ITGA7: variants seen among roughly 807,000 people sequenced by gnomAD.
ITGA7 encodes the protein integrin alpha-7.
Under a neutral mutation model 131.6 loss-of-function variants are expected in ITGA7, and 84 were observed. The observed-to-expected ratio is 0.64, with a 90% CI of 0.54 to 0.77. The LOEUF (loss-of-function observed/expected upper bound fraction) is 0.77, where lower values mean the gene tolerates loss of function less well. Among genes scored for constraint, ITGA7 ranks in the 30% least tolerant of loss-of-function variants. The pLI is 0.00. For synonymous variants in ITGA7, 548 were observed against 600.7 expected, an observed-to-expected ratio of 0.91 and a Z score of 1.28; for missense variants, 1,399 against 1,482.9, an observed-to-expected ratio of 0.94 and a Z score of 0.93.
chr12:55,685,359 G>A, intron 24 of ITGA7, 71 bp from the exon 25 acceptor site: 1 of 1,359,246 alleles, frequency 7.4e-7, no homozygotes, highest in Non-Finnish European at 1.0e-6. Flanking sequence ...GCCTAGCGCG[G>A]CACAGCTCCT....
chr12:55,701,171 T>A lies in ITGA7; in HGVS notation c.415-17A>T, dbSNP rs1351740817. ...TGCACAGGTCTGGGGGAGGAAGGGA[T>A]GGGGATCATTTCACTCTGTGGGCCA... On this transcript the variant is annotated splice_polypyrimidine_tract_variant and intron_variant, in intron 3 of 24. Transcript: ENST00000257879. 1 of 1,614,142 alleles carries A rather than the reference T, an allele frequency of 6.2e-7. No homozygotes were observed. The highest frequency in any genetic ancestry group is 1.1e-5 in the South Asian group (1 of 91,090).
Position 55,702,896 on chromosome 12 carries a change from GCTCCGAACACTGA to G in ITGA7, c.377_389del (p.Val126AlafsTer30). On this transcript the variant is annotated frameshift_variant, in exon 3 of 25. Transcript: ENST00000257879. LOFTEE classifies it high-confidence loss of function. ...CAACAATCTTGCCCCCAGGCCCCTG[GCTCCGAACACTGA>G]CTCCCAACCACTGGTTCTCCTTGCT... The G allele has an allele frequency of 1.2e-6, 2 of 1,612,880 alleles. No individual in the cohort carries two copies. The highest frequency in any genetic ancestry group is 1.7e-6 in the Non-Finnish European group (2 of 1,179,888).
intron 24 of ITGA7, among the ~76,000 whole-genome samples, chr12:55,687,346 T>G (rs1284559764): frequency 6.6e-6 from 1 of 150,534 alleles, no homozygotes; most frequent in Non-Finnish European, 1.5e-5. Context: ...CCCAGCTAAT[T>G]TTTTTTATTT....
intron 12 of ITGA7, 81 bp from the exon 13 acceptor site, chr12:55,696,513 C>A: frequency 6.9e-7 from 1 of 1,448,440 alleles, no homozygotes; most frequent in Non-Finnish European, 9.5e-7. Context: ...GACCTAGGAC[C>A]AATTCTAAAA....
In ITGA7 at chr12:55,694,296, G is replaced by A. The variant is rs755438542; in HGVS notation, c.2392C>T (p.Arg798Ter). 15 of 1,613,892 alleles carry A rather than the reference G, an allele frequency of 9.3e-6. No individual in the cohort carries two copies. The highest frequency in any genetic ancestry group is 4.5e-5 in the East Asian group (2 of 44,896). ...GGCAGCTCAATGAAGACACGGGCTC[G>A]TGCAGAGACTGGATGCAGCTCCTGC... Reference protein sequence around the residue: ...SEQELHPVSARARVFIELPLS... With the variant: ...SEQELHPVSA Residue 798 changes from arginine (R) to a stop codon, truncating the protein, a stop_gained, in exon 18 of 25, where the codon CGA becomes TGA. Coordinates refer to ENST00000257879, the MANE Select transcript of ITGA7 (RefSeq NM_002206.3). LOFTEE classifies it high-confidence loss of function. This position sits in a 1 kb window ranked among gnomAD's most constrained non-coding sequence, Gnocchi z 5.3.
chr12:55,685,418 T>C, intron 24 of ITGA7, 130 bp from the exon 25 acceptor site: 2 of 840,444 alleles, frequency 2.4e-6, no homozygotes, highest in Non-Finnish European at 2.0e-6. Flanking sequence ...CTGAATAGCA[T>C]CTGGTGTGGT....
chr12:55,693,127 C>A lies in ITGA7; in HGVS notation c.2712+14G>T. 2 of 1,613,708 alleles carry A rather than the reference C, an allele frequency of 1.2e-6. No homozygotes were observed. The highest frequency in any genetic ancestry group is 1.1e-5 in the South Asian group (1 of 91,054). ...TGTCCCCACATCTAACCCCCACCCC[C>A]ACCTAAGCCTCACCAGGTGGAGGAT... On this transcript the variant is annotated intron_variant, in intron 20 of 24. Transcript: ENST00000257879.
rs1402694009 is a variant in ITGA7 at position 55,688,844 on chromosome 12, C to T, written c.2958G>A (p.Glu986=). 1.2e-6 allele frequency: 2 copies of T among 1,612,212 alleles called. No individual in the cohort carries two copies. The highest frequency in any genetic ancestry group is 1.7e-5 in the Admixed American group (1 of 60,014). Residue 986 remains glutamate, a splice_region_variant and synonymous_variant, in exon 22 of 25, where the codon GAG becomes GAA. Coordinates refer to ENST00000257879, the MANE Select transcript of ITGA7 (RefSeq NM_002206.3). Reference sequence around the variant, plus strand: ...GACTAGAGCCGAGTGGTATCCTCACCTCCAGAAAGGTGCTGTTCCAGAGAC... The same window carrying T: ...GACTAGAGCCGAGTGGTATCCTCACTTCCAGAAAGGTGCTGTTCCAGAGAC... ...WGRLWNSTFL[E]EYSAVKSLEV...
chr12:55,688,859 G>A lies in ITGA7; in HGVS notation c.2943C>T (p.Asn981=), dbSNP rs780927955. The A allele has an allele frequency of 1.1e-5, 17 of 1,613,750 alleles. No homozygotes were observed. In the East Asian group the frequency reaches 2.9e-4, roughly 27 times the overall value. The change falls in exon 22 of 25, where the codon AAC becomes AAT. Residue 981 remains asparagine (N), a synonymous_variant. Transcript: ENST00000257879. ...AVLHVWGRLW[N]STFLEEYSAV... is the part of the protein sequence containing the mutation. ...GTATCCTCACCTCCAGAAAGGTGCT[G>A]TTCCAGAGACGGCCCCAGACATGCA... is the stretch of plus-strand genomic sequence containing the variant.
upstream of ITGA7, chr12:55,708,009 GC>G (rs1875614665): frequency 8.2e-7 from 1 of 1,214,112 alleles, no homozygotes; most frequent in Admixed American, 4.4e-5. Flanking sequence ...CCAAGGGGAT[GC>G]CCAGGCTGGT....
At chr12:55,686,302 G>C (rs1009512032) in intron 24 of ITGA7, 1 of 1,338,464 alleles carries the variant, frequency 7.5e-7, no homozygotes, top group Non-Finnish European at 9.8e-7. Flanking sequence ...CTGCTCCGAT[G>C]GAAGAAGCCA....
intron 24 of ITGA7, 85 bp downstream of exon 24, chr12:55,687,886 G>A: frequency 6.4e-7 from 1 of 1,570,816 alleles, no homozygotes; most frequent in South Asian, 1.1e-5. Context: ...ACATGAGTGT[G>A]TGGGTGGGTG....
chr12:55,707,361 G>A, intron 1 of ITGA7, 116 bp downstream of exon 1: 1 of 827,866 alleles, frequency 1.2e-6, no homozygotes, highest in Non-Finnish European at 2.0e-6. Flanking sequence ...GGATGTCTGT[G>A]GGCAGTCTAG....
chr12:55,711,371 A>G (rs1338779486), upstream of ITGA7, among the ~76,000 whole-genome samples: 1 of 152,052 alleles, frequency 6.6e-6, no homozygotes, highest in Non-Finnish European at 1.5e-5. Context: ...CCAGCTACTC[A>G]GGAGGCTGAG....
Position 55,707,844 on chromosome 12 carries a change from G to A in ITGA7, c.-162C>T. On this transcript the variant is annotated 5_prime_UTR_variant, in exon 1 of 25. Coordinates refer to ENST00000257879, the MANE Select transcript of ITGA7 (RefSeq NM_002206.3). The stretch of plus-strand genomic sequence containing the variant: ...AGCCCTCCCGCCCGCCCGCCGCTCC[G>A]CCACCCCGCCGCCCCAGCACCGGCT... 10 of 793,404 alleles carry A rather than the reference G, an allele frequency of 1.3e-5. No homozygotes were observed. The highest frequency in any genetic ancestry group is 1.6e-5 in the Non-Finnish European group (9 of 558,260). The allele number at this position is 793,404 out of a possible 1,614,324, so 49.1% of individuals were successfully genotyped here. A position where few individuals can be genotyped will look rare whatever the true frequency, so the allele number is the denominator to read the frequency against.
At chr12:55,686,369 G>A in intron 24 of ITGA7, 1 of 1,068,054 alleles carries the variant, frequency 9.4e-7, no homozygotes, top group African/African-American at 1.6e-5. Flanking sequence ...AAAGATTGAG[G>A]AAGGACAGGA....
At position 55,688,249 on chromosome 12, in the gene ITGA7, C is replaced by T. The variant is rs776269261; in HGVS notation, c.3010G>A (p.Val1004Met). 94 of 1,614,064 alleles carry T rather than the reference C, an allele frequency of 5.8e-5. 3 individuals are homozygous for T. In the South Asian group the frequency reaches 9.9e-4, roughly 17 times the overall value. The change falls in exon 23 of 25, where the codon GTG (valine) becomes ATG (methionine). Residue 1004 changes from valine (V) to methionine (M), a missense_variant. Physicochemically the swap from Val to Met is conservative, Grantham distance 21. Coordinates refer to ENST00000257879, the MANE Select transcript of ITGA7 (RefSeq NM_002206.3). ...LEVIVRANITVKSSIKNLMLR... is the reference protein window; with the variant it reads ...LEVIVRANITMKSSIKNLMLR... ...ATCAAGTTCTTTATGGAGGACTTCACTGTGATGTTGGCCCGGACAATCACT... is the reference window on the plus strand; with the variant it reads ...ATCAAGTTCTTTATGGAGGACTTCATTGTGATGTTGGCCCGGACAATCACT...
chr12:55,696,156 A>G, intron 13 of ITGA7, 127 bp downstream of exon 13: 3 of 1,009,320 alleles, frequency 3.0e-6, no homozygotes, highest in Non-Finnish European at 4.5e-6. Context: ...ACCTAGAGAT[A>G]TGAGGAATTA....
rs1237143826 is a variant in ITGA7, at chr12:55,695,643, G to A, written c.1888-6C>T. On this transcript the variant is annotated splice_polypyrimidine_tract_variant and splice_region_variant and intron_variant, in intron 13 of 24. Coordinates refer to ENST00000257879, the MANE Select transcript of ITGA7 (RefSeq NM_002206.3). The stretch of plus-strand genomic sequence containing the variant: ...CCTTGCTTCAGGAAGTGGATCTGGG[G>A]AGAGACATGAGATAAGGGGCATTCC... 3.7e-6 allele frequency: 6 copies of A among 1,602,748 alleles called. No individual in the cohort carries two copies. The South Asian group carries it at 5.5e-5, about 15-fold the overall frequency.
Sources: gnomAD v4.1 joint callset for allele counts (sites outside exome capture counted in the v4.1 genomes callset) on GRCh38, gnomAD v4.1.1 for gene constraint, Gnocchi (gnomAD v3.1) non-coding constraint, MANE v1.5 for transcripts, NCBI Gene and HGNC (gene_info 2026-07-23, HGNC 2026-07-21) for gene names.